Variants in MON1B observed in about 807,000 individuals in gnomAD.
The protein encoded by MON1B is vacuolar fusion protein MON1 homolog B.
In MON1B, 26 loss-of-function variants were observed where a neutral mutation model predicts 45.1. The observed-to-expected ratio is 0.58, with a 90% CI of 0.42 to 0.80. The LOEUF is 0.80. MON1B is among the 30% of genes least tolerant of loss of function. The pLI is 0.00. For synonymous variants in MON1B, 395 were observed against 320.2 expected (o/e 1.23, Z -2.49); for missense variants, 737 against 754.5 (o/e 0.98, Z 0.27).
intron 2 of MON1B, 51 bp downstream of exon 2, chr16:77,191,684 T>G (rs1422680305): frequency 6.4e-7 from 1 of 1,566,004 alleles, no homozygotes; most frequent in Non-Finnish European, 8.6e-7. Context: ...GGGTTGTCAT[T>G]GTTGGACGGG....
Position 77,191,225 on chromosome 16 carries a change from G to C in MON1B, c.-44G>C, listed in dbSNP as rs2054611556. 2 of 1,536,552 alleles carry C rather than the reference G, an allele frequency of 1.3e-6. No homozygotes were observed. The highest frequency in any genetic ancestry group is 1.7e-6 in the Non-Finnish European group (2 of 1,146,940). ...CCACCGCCGCTACGGGGAAGTAATGGTATCCGGCCAATTGAGATTCGGAGT... is the reference window on the plus strand; with the variant it reads ...CCACCGCCGCTACGGGGAAGTAATGCTATCCGGCCAATTGAGATTCGGAGT... On this transcript the variant is annotated 5_prime_UTR_variant, in exon 1 of 6. Transcript: ENST00000248248.
Position 77,195,548 on chromosome 16 carries a change from GC to G in MON1B, c.1314del (p.Tyr439ThrfsTer44). On this transcript the variant is annotated frameshift_variant, in exon 5 of 6. Transcript: ENST00000248248. LOFTEE classifies it high-confidence loss of function. ...CCATCATGGCAGCCCTGAGCTAGAG[GC>G]CCCCTACAGCAGAGAGGAGGAGCGG... is the stretch of plus-strand genomic sequence containing the variant. ...LPQFTSPELE[A>X]PYSREEERQR... 6.2e-7 allele frequency: 1 copy of G among 1,613,606 alleles called. No homozygotes were observed. Among genetic ancestry groups the G allele is most frequent in the East Asian group, 2.2e-5 (1 of 44,846 alleles).
chr16:77,198,221 C>T lies in MON1B; in HGVS notation c.1557C>T (p.Leu519=), dbSNP rs752043704. 7 of 1,614,074 alleles carry T rather than the reference C, an allele frequency of 4.3e-6. No homozygotes were observed. Among genetic ancestry groups the T allele is most frequent in the Middle Eastern group, 1.6e-4 (1 of 6,084 alleles). Residue 519 remains leucine, a synonymous_variant, in exon 6 of 6, where the codon CTC becomes CTT. Coordinates refer to ENST00000248248, the MANE Select transcript of MON1B (RefSeq NM_014940.4). ...LRWVKKEEDR[L]FIRYPPKYST... is the part of the protein sequence containing the mutation. ...GGGTGAAGAAAGAGGAGGACCGGCT[C>T]TTCATTCGTTACCCACCCAAGTACT... is the stretch of plus-strand genomic sequence containing the variant.
chr16:77,199,523 C>T lies in MON1B; in HGVS notation c.*1215C>T, dbSNP rs1398320575. ...CTGAGGAGGCTGAAGGTAGTGAGGG[C>T]AAGTGGGCTGCACTCCTTTCTCTCC... On this transcript the variant is annotated 3_prime_UTR_variant, in exon 6 of 6. Coordinates refer to ENST00000248248, the MANE Select transcript of MON1B (RefSeq NM_014940.4). The T allele has an allele frequency of 1.3e-6, 2 of 1,549,368 alleles. No individual in the cohort carries two copies. Among genetic ancestry groups the T allele is most frequent in the South Asian group, 1.2e-5 (1 of 83,986 alleles).
At chr16:77,192,150 A>G (rs1358682235) in intron 2 of MON1B, among the ~76,000 whole-genome samples, 2 of 152,178 alleles carry the variant, frequency 1.3e-5, no homozygotes, top group African/African-American at 4.8e-5. Context: ...AAAGTTGTTC[A>G]TTTGAGATTT....
rs151075634 is a variant in MON1B, at chr16:77,193,674, G to A, written c.372G>A (p.Ser124=). Residue 124 remains serine, a synonymous_variant, in exon 3 of 6, where the codon TCG becomes TCA. Transcript: ENST00000248248. This position sits in a 1 kb window ranked among gnomAD's most constrained non-coding sequence, Gnocchi z 5.0. ...VLSEAGKPIY[S]RYGSVEALSA... Reference sequence around the variant, plus strand: ...GTGAGGCTGGCAAGCCCATCTACTCGCGGTATGGTAGTGTGGAGGCGCTGT... The same window carrying A: ...GTGAGGCTGGCAAGCCCATCTACTCACGGTATGGTAGTGTGGAGGCGCTGT... 10 of 1,613,992 alleles carry A rather than the reference G, an allele frequency of 6.2e-6. No homozygotes were observed. The highest frequency in any genetic ancestry group is 3.3e-5 in the South Asian group (3 of 91,092).
Position 77,191,252 on chromosome 16 carries a change from A to C in MON1B, c.-17A>C. The C allele has an allele frequency of 6.5e-7, 1 of 1,538,586 alleles. No homozygotes were observed. The highest frequency in any genetic ancestry group is 8.7e-7 in the Non-Finnish European group (1 of 1,146,912). Reference sequence around the variant, plus strand: ...ATCCGGCCAATTGAGATTCGGAGTTAAAACAGGTGTTTGTATATCTCTATT... The same window carrying C: ...ATCCGGCCAATTGAGATTCGGAGTTCAAACAGGTGTTTGTATATCTCTATT... On this transcript the variant is annotated 5_prime_UTR_variant, in exon 1 of 6. An upstream open reading frame in the 5' UTR loses its in-frame stop. Transcript: ENST00000248248.
intron 5 of MON1B, among the ~76,000 whole-genome samples, chr16:77,197,090 T>C (rs186693247): frequency 6.3e-4 from 96 of 152,022 alleles, no homozygotes; most frequent in African/African-American, 2.2e-3. Flanking sequence ...AACCAAGATA[T>C]GGGCCAGACA....
At position 77,199,024 on chromosome 16, in the gene MON1B, A is replaced by AT; in HGVS notation, c.*716_*717insT. ...CTCGTTTTACTCATCTGTGAAACAG[A>AT]GATAAGTAACCCTCTCTCATGAACT... On this transcript the variant is annotated 3_prime_UTR_variant, in exon 6 of 6. Coordinates refer to ENST00000248248, the MANE Select transcript of MON1B (RefSeq NM_014940.4). The AT allele has an allele frequency of 6.0e-6, 1 of 167,780 alleles. No individual in the cohort carries two copies. Among genetic ancestry groups the AT allele is most frequent in the East Asian group, 1.7e-4 (1 of 5,806 alleles). 10.4% of individuals were successfully genotyped at this position (167,780 alleles called of 1,614,324 possible).
In MON1B at chr16:77,194,758, AC is replaced by A; in HGVS notation, c.902del (p.Pro301GlnfsTer135). On this transcript the variant is annotated frameshift_variant, in exon 4 of 6. Coordinates refer to ENST00000248248, the MANE Select transcript of MON1B (RefSeq NM_014940.4). LOFTEE classifies it high-confidence loss of function. This position sits in a 1 kb window ranked among gnomAD's most constrained non-coding sequence, Gnocchi z 8.1. ...AATGTGCTGGCCGAGTGCCGGCTGG[AC>A]CCAGCTGACCTGCAGTTGCTGCTCG... is the stretch of plus-strand genomic sequence containing the variant. ...ERNVLAECRL[D>X]PADLQLLLDW... The A allele has an allele frequency of 6.2e-7, 1 of 1,613,842 alleles. No homozygotes were observed. Among genetic ancestry groups the A allele is most frequent in the Non-Finnish European group, 8.5e-7 (1 of 1,179,890 alleles).
Position 77,195,617 on chromosome 16 carries a change from C to T in MON1B, c.1378C>T (p.His460Tyr), listed in dbSNP as rs1356101872. The T allele has an allele frequency of 3.7e-6, 6 of 1,614,054 alleles. No individual in the cohort carries two copies. In the South Asian group the frequency reaches 5.5e-5, roughly 15 times the overall value. The change falls in exon 5 of 6, where the codon CAC (histidine) becomes TAC (tyrosine). Residue 460 changes from histidine to tyrosine, a missense_variant. Transcript: ENST00000248248. The part of the protein sequence containing the change: ...DLYHRLHARL[H>Y]STSRPLRLIY... Reference sequence around the variant, plus strand: ...GTACCACCGCCTGCATGCTCGTCTCCACAGCACCTCCCGACCCCTGCGCCT... The same window carrying T: ...GTACCACCGCCTGCATGCTCGTCTCTACAGCACCTCCCGACCCCTGCGCCT...
intron 5 of MON1B, among the ~76,000 whole-genome samples, chr16:77,197,526 G>A (rs897729345): frequency 6.6e-6 from 1 of 152,176 alleles, no homozygotes. Flanking sequence ...TGGATATTAG[G>A]AGGAAGAGTA....
intron 2 of MON1B, among the ~76,000 whole-genome samples, chr16:77,192,409 CAT>C (rs1254046492): frequency 6.6e-5 from 10 of 152,202 alleles, no homozygotes; most frequent in Admixed American, 3.3e-4. Context: ...ATTATTGAGA[CAT>C]AGTTGCACAT....
Position 77,201,522 on chromosome 16 carries a change from CAA to C in MON1B, c.*3216_*3217del, listed in dbSNP as rs996644134. ...CCTGCCTCAGGGAAGAGAGCTGACT[CAA>C]AGTAAAGGCTTTGCTAGAGGCAGTC... is the stretch of plus-strand genomic sequence containing the variant. On this transcript the variant is annotated 3_prime_UTR_variant, in exon 6 of 6. Transcript: ENST00000248248. 7 of 152,182 alleles carry C rather than the reference CAA, an allele frequency of 4.6e-5. No homozygotes were observed. Among genetic ancestry groups the C allele is most frequent in the African/African-American group, 1.7e-4 (7 of 41,446 alleles). The allele number at this position is 152,182 out of a possible 1,614,324, so 9.4% of individuals were successfully genotyped here.
chr16:77,191,766 G>C (rs2054617382), intron 2 of MON1B, 133 bp downstream of exon 2: 2 of 1,007,670 alleles, frequency 2.0e-6, no homozygotes, highest in East Asian at 5.5e-5. Context: ...CGCCGGGTCA[G>C]GAGGAGGTCA....
chr16:77,195,837 C>T (rs1341416277), intron 5 of MON1B, among the ~76,000 whole-genome samples, 155 bp downstream of exon 5: 1 of 152,206 alleles, frequency 6.6e-6, no homozygotes, highest in Non-Finnish European at 1.5e-5. Flanking sequence ...TTTACACACA[C>T]ATCTTTGAAG....
chr16:77,200,700 G>C lies in MON1B; in HGVS notation c.*2392G>C, dbSNP rs919376758. 7.0e-6 allele frequency: 1 copy of C among 142,132 alleles called. No homozygotes were observed. Among genetic ancestry groups the C allele is most frequent in the African/African-American group, 2.6e-5 (1 of 37,930 alleles). 8.8% of individuals were successfully genotyped at this position (142,132 alleles called of 1,614,324 possible). The stretch of plus-strand genomic sequence containing the variant: ...GAACCCGGGAGGCAGAGGTTATCGT[G>C]AGCTGACATTGCGCCACTGCACTCC... On this transcript the variant is annotated 3_prime_UTR_variant, in exon 6 of 6. Coordinates refer to ENST00000248248, the MANE Select transcript of MON1B (RefSeq NM_014940.4).
At position 77,200,969 on chromosome 16, in the gene MON1B, C is replaced by G. The variant is rs923661888; in HGVS notation, c.*2661C>G. On this transcript the variant is annotated 3_prime_UTR_variant, in exon 6 of 6. Transcript: ENST00000248248. Reference sequence around the variant, plus strand: ...TCTCGAACACCCCTTTCTGCACACTCTTTAAACCACTGTATTAACAAACAC... The same window carrying G: ...TCTCGAACACCCCTTTCTGCACACTGTTTAAACCACTGTATTAACAAACAC... 1 of 152,210 alleles carries G rather than the reference C, an allele frequency of 6.6e-6. No homozygotes were observed. Among genetic ancestry groups the G allele is most frequent in the African/African-American group, 2.4e-5 (1 of 41,422 alleles). The allele number at this position is 152,210 out of a possible 1,614,324, so 9.4% of individuals were successfully genotyped here.
intron 5 of MON1B, among the ~76,000 whole-genome samples, chr16:77,196,552 G>C (rs2054667297): frequency 6.6e-6 from 1 of 152,128 alleles, no homozygotes; most frequent in African/African-American, 2.4e-5. Context: ...GAGGCAGGCT[G>C]ATCACTTGAG....
Sources: gnomAD v4.1 joint callset for allele counts (sites outside exome capture counted in the v4.1 genomes callset) on GRCh38, gnomAD v4.1.1 for gene constraint, Gnocchi (gnomAD v3.1) non-coding constraint, MANE v1.5 for transcripts, NCBI Gene and HGNC (gene_info 2026-07-23, HGNC 2026-07-21) for gene names.